Variants in TTC8 observed in about 807,000 individuals in gnomAD.
TTC8 encodes tetratricopeptide repeat protein 8.
Under a neutral mutation model 72.5 loss-of-function variants are expected in TTC8, and 47 were observed. The observed-to-expected ratio is 0.65, with a 90% CI of 0.51 to 0.83. The LOEUF is 0.83. Ranked by LOEUF, TTC8 falls within the 40% of genes least tolerant of loss-of-function variation. The probability of loss-of-function intolerance (pLI) is 0.00; values close to 1 mark genes in which losing one functional copy is unlikely to be tolerated. For missense variants in TTC8, 611 were observed against 623.2 expected (o/e 0.98, Z 0.21); for synonymous variants, 199 against 221.4 (o/e 0.90, Z 0.90).
At chr14:88,829,448 T>C (rs1389447599) in intron 1 of TTC8, among the ~76,000 whole-genome samples, 2 of 152,256 alleles carry the variant, frequency 1.3e-5, no homozygotes, top group African/African-American at 2.4e-5. Flanking sequence ...GTGTTCCATA[T>C]GTCAGATTCA....
chr14:88,872,133 A>G (rs2094936895), intron 12 of TTC8, among the ~76,000 whole-genome samples, 197 bp from the exon 13 acceptor site: 1 of 152,212 alleles, frequency 6.6e-6, no homozygotes. Context: ...TTACGGGGCA[A>G]TTTAGAAGTT....
chr14:88,856,939 T>C (rs564950057), intron 8 of TTC8, among the ~76,000 whole-genome samples: 1 of 152,322 alleles, frequency 6.6e-6, no homozygotes, highest in Admixed American at 6.5e-5. Context: ...GCAGCTATTA[T>C]CTTAGTCCTG....
At chr14:88,877,165 T>A (rs1433762228) in intron 14 of TTC8, 129 bp from the exon 15 acceptor site, 2 of 722,448 alleles carry the variant, frequency 2.8e-6, no homozygotes, top group East Asian at 5.4e-5. Flanking sequence ...TGTGGGTTTG[T>A]TAAAAAAAAA....
rs145642258 is a variant in TTC8 at position 88,841,441 on chromosome 14, G to C, written c.506G>C (p.Ser169Thr). ...VRLGTASMLTSPDGPFINLSR... is the reference protein window; with the variant it reads ...VRLGTASMLTTPDGPFINLSR... The stretch of plus-strand genomic sequence containing the variant: ...CCTCTGTAGGCTTCCATGCTTACAA[G>C]TCCTGATGGACCATTTATAAATTTA... The change falls in exon 6 of 15, where the codon AGT becomes ACT. Residue 169 changes from serine (S) to threonine (T), a missense_variant. By Grantham distance (58) the Ser-to-Thr change is moderately conservative. Transcript: ENST00000380656. 6.2e-7 allele frequency: 1 copy of C among 1,613,672 alleles called. No homozygotes were observed. Among genetic ancestry groups the C allele is most frequent in the East Asian group, 2.2e-5 (1 of 44,786 alleles).
chr14:88,846,598 A>G lies in TTC8; in HGVS notation c.624+2748A>G, dbSNP rs928165640. ...TGGTGACAATGTTTTTTATTAATAG[A>G]TTCATCTTGAAGATGTAGTTCTACA... On this transcript the variant is annotated intron_variant, in intron 7 of 14. Coordinates refer to ENST00000380656, the MANE Select transcript of TTC8 (RefSeq NM_144596.4). 8 of 1,425,588 alleles carry G rather than the reference A, an allele frequency of 5.6e-6. No individual in the cohort carries two copies. In the African/African-American group the frequency reaches 8.6e-5, roughly 15 times the overall value. The allele number at this position is 1,425,588 out of a possible 1,614,324, so 88.3% of individuals were successfully genotyped here.
At chr14:88,862,162 T>C (rs2094888778) in intron 10 of TTC8, among the ~76,000 whole-genome samples, 1 of 152,098 alleles carries the variant, frequency 6.6e-6, no homozygotes, top group African/African-American at 2.4e-5. Flanking sequence ...TTTTTGTCTT[T>C]TTGATGATAG....
rs2094931628 is a variant in TTC8, at chr14:88,871,049, C to T, written c.1050-500C>T. On this transcript the variant is annotated intron_variant, in intron 11 of 14. Coordinates refer to ENST00000380656, the MANE Select transcript of TTC8 (RefSeq NM_144596.4). This position sits in a 1 kb window ranked among gnomAD's most constrained non-coding sequence, Gnocchi z 4.1. The stretch of plus-strand genomic sequence containing the variant: ...GCTAAGTGGATAATGTAAGGATCCG[C>T]TGATGGTCTTGTCTTCCTCAGTGGA... Among the ~76,000 whole-genome samples, 3 of 152,332 alleles carry T rather than the reference C, an allele frequency of 2.0e-5. No homozygotes were observed. In the South Asian group the frequency reaches 6.2e-4, roughly 32 times the overall value.
At chr14:88,874,109 C>T (rs2094946908) in intron 13 of TTC8, among the ~76,000 whole-genome samples, 1 of 152,144 alleles carries the variant, frequency 6.6e-6, no homozygotes, top group Non-Finnish European at 1.5e-5. Flanking sequence ...TCTCTGTTCC[C>T]ATATTGGTAA....
chr14:88,845,728 G>A (rs1267103986), intron 7 of TTC8, among the ~76,000 whole-genome samples: 1 of 152,108 alleles, frequency 6.6e-6, no homozygotes, highest in Non-Finnish European at 1.5e-5. Context: ...TGATACTCTT[G>A]TATTTGGAAG....
intron 6 of TTC8, among the ~76,000 whole-genome samples, chr14:88,841,751 A>G (rs2094782804): frequency 6.6e-6 from 1 of 152,226 alleles, no homozygotes; most frequent in South Asian, 2.1e-4. Flanking sequence ...AAAGAGTAGT[A>G]ATTTGTAACA....
chr14:88,865,316 G>T (rs1245467799), intron 10 of TTC8, among the ~76,000 whole-genome samples: 1 of 152,152 alleles, frequency 6.6e-6, no homozygotes, highest in Admixed American at 6.6e-5. Flanking sequence ...CAGGCATCTG[G>T]ATTTTTAGCA....
At chr14:88,835,846 A>C (rs1444855532) in intron 2 of TTC8, among the ~76,000 whole-genome samples, 1 of 152,110 alleles carries the variant, frequency 6.6e-6, no homozygotes, top group Non-Finnish European at 1.5e-5. Flanking sequence ...CAAAGTAAAA[A>C]AAAATTATTA....
chr14:88,856,888 T>C (rs2094858520), intron 8 of TTC8, among the ~76,000 whole-genome samples: 1 of 152,196 alleles, frequency 6.6e-6, no homozygotes, highest in Non-Finnish European at 1.5e-5. Flanking sequence ...CAGCTGATCA[T>C]AAGCTCTTTG....
chr14:88,859,883 T>TATATAA (rs1566850295), intron 9 of TTC8, among the ~76,000 whole-genome samples: 9 of 119,274 alleles, frequency 7.5e-5, no homozygotes, highest in African/African-American at 4.5e-4. Context: ...ATATTATATA[T>TATATAA]TATATAATAT....
chr14:88,826,286 C>T (rs2094700082), intron 1 of TTC8, among the ~76,000 whole-genome samples: 1 of 151,842 alleles, frequency 6.6e-6, no homozygotes, highest in African/African-American at 2.4e-5. Context: ...CCGCGCCCAG[C>T]CCCCAAATGT....
chr14:88,846,583 GT>G, intron 7 of TTC8: 1 of 1,368,398 alleles, frequency 7.3e-7, no homozygotes, highest in Non-Finnish European at 1.0e-6. Context: ...TGGTGACAAT[GT>G]TTTTTATTAA....
At position 88,858,598 on chromosome 14, in the gene TTC8, A is replaced by T. The variant is rs571900630; in HGVS notation, c.798+1321A>T. ...ATATGTGATATATTCAACTTAAACA[A>T]TTTTTTTTTTTCTGAGTAGGGGTGT... On this transcript the variant is annotated intron_variant, in intron 9 of 14. Coordinates refer to ENST00000380656, the MANE Select transcript of TTC8 (RefSeq NM_144596.4). 4.8e-4 allele frequency among the ~76,000 whole-genome samples: 70 copies of T among 147,198 alleles called. No homozygotes were observed. The East Asian group carries it at 8.5e-3, about 18-fold the overall frequency.
intron 6 of TTC8, 96 bp downstream of exon 6, chr14:88,841,610 C>T (rs1212848989): frequency 9.5e-7 from 1 of 1,050,906 alleles, no homozygotes; most frequent in African/African-American, 1.6e-5. Flanking sequence ...GAAGGAAAGG[C>T]CATGTCTTTA....
At chr14:88,837,476 T>C (rs2094758165) in intron 2 of TTC8, among the ~76,000 whole-genome samples, 1 of 152,200 alleles carries the variant, frequency 6.6e-6, no homozygotes, top group East Asian at 1.9e-4. Context: ...TATGATTTAC[T>C]CCTCTTTGTA....
Sources: allele counts gnomAD v4.1 joint callset (sites outside exome capture counted in the v4.1 genomes callset), GRCh38; gene constraint gnomAD v4.1.1; non-coding constraint Gnocchi (gnomAD v3.1); transcripts MANE v1.5; gene names NCBI Gene and HGNC (gene_info 2026-07-23, HGNC 2026-07-21).